The following CNTN3 variants were observed in gnomAD, a reference collection of about 807,000 sequenced individuals.
The protein encoded by CNTN3 is contactin 3.
CNTN3 carries 60 observed loss-of-function variants against 119.1 expected under a neutral mutation model. The observed-to-expected ratio is 0.50, with a 90% CI of 0.41 to 0.62. The LOEUF is 0.62. CNTN3 is among the 20% of genes least tolerant of loss of function. The probability of loss-of-function intolerance (pLI) is 0.00; values close to 1 mark genes in which losing one functional copy is unlikely to be tolerated. For missense variants in CNTN3, 1,101 were observed against 1,242.4 expected, an observed-to-expected ratio of 0.89 and a Z score of 1.71; for synonymous variants, 450 against 438.7, an observed-to-expected ratio of 1.03 and a Z score of -0.32.
intron 11 of CNTN3, among the ~76,000 whole-genome samples, chr3:74,343,492 T>C (rs1048023426): frequency 8.5e-5 from 13 of 152,226 alleles, no homozygotes; most frequent in African/African-American, 3.1e-4. Context: ...TCCACACTAA[T>C]GTCAAAGTGC....
At chr3:74,446,997 TG>T (rs911739570) in intron 4 of CNTN3, among the ~76,000 whole-genome samples, 69 of 152,338 alleles carry the variant, frequency 4.5e-4, no homozygotes, top group African/African-American at 1.6e-3. Context: ...CGTTTTTCTT[TG>T]TTTCATTTAC....
At chr3:74,288,706 A>C (rs1294579701) in intron 19 of CNTN3, among the ~76,000 whole-genome samples, 2 of 152,150 alleles carry the variant, frequency 1.3e-5, no homozygotes, top group Admixed American at 1.3e-4. Context: ...GGTTCTTTCA[A>C]AACAGAGAAG....
intron 13 of CNTN3, among the ~76,000 whole-genome samples, chr3:74,328,957 T>C (rs1264925630): frequency 6.6e-6 from 1 of 152,188 alleles, no homozygotes; most frequent in African/African-American, 2.4e-5. Flanking sequence ...AAATGTATAA[T>C]ATAGTCCAAC....
chr3:74,415,001 CAT>C (rs1211491348), intron 5 of CNTN3, among the ~76,000 whole-genome samples: 1 of 146,936 alleles, frequency 6.8e-6, no homozygotes, highest in African/African-American at 2.5e-5. Context: ...AAGCAGAAAA[CAT>C]CGGTCAGGAC....
intron 5 of CNTN3, among the ~76,000 whole-genome samples, chr3:74,412,018 A>T (rs1319722728): frequency 6.6e-6 from 1 of 152,202 alleles, no homozygotes. Context: ...TAAAATTTAC[A>T]TTAGAAGAAA....
rs146910340 is a variant in CNTN3 at position 74,390,067 on chromosome 3, C to A, written c.455-18668G>T. ...CCATTCAGATGCCTCCATCACCTCT[C>A]CTTCTAGTGAAATGGTACGAGGAAT... On this transcript the variant is annotated intron_variant, in intron 5 of 22. Coordinates refer to ENST00000263665, the MANE Select transcript of CNTN3 (RefSeq NM_020872.3). 9.8e-3 allele frequency among the ~76,000 whole-genome samples: 1,499 copies of A among 152,296 alleles called. 18 individuals carry two copies. Among genetic ancestry groups the A allele is most frequent in the Non-Finnish European group, 0.016 (1,090 of 68,038 alleles).
At chr3:74,589,122 A>G (rs1234488426) in intron 1 of CNTN3, among the ~76,000 whole-genome samples, 13 of 151,562 alleles carry the variant, frequency 8.6e-5, no homozygotes, top group African/African-American at 3.1e-4. Context: ...TAATTAAACT[A>G]AAGAGCTTCT....
chr3:74,579,304 G>A (rs1046130784), intron 1 of CNTN3, among the ~76,000 whole-genome samples: 2 of 150,714 alleles, frequency 1.3e-5, no homozygotes, highest in Admixed American at 1.3e-4. Context: ...CACAATAATA[G>A]TTGAAGACTT....
intron 1 of CNTN3, among the ~76,000 whole-genome samples, chr3:74,565,461 C>T (rs75024764): frequency 0.037 from 5,634 of 152,230 alleles, 140 homozygotes; most frequent in South Asian, 0.068. Flanking sequence ...ATGGGTAATC[C>T]ATGACACTCT....
intron 2 of CNTN3, among the ~76,000 whole-genome samples, chr3:74,519,568 T>G (rs1703507640): frequency 6.6e-6 from 1 of 151,756 alleles, no homozygotes; most frequent in Admixed American, 6.6e-5. Flanking sequence ...TTTGGAAAAT[T>G]TCAACATTGC....
rs180899180 is a variant in CNTN3, at chr3:74,447,437, T to C, written c.359-22497A>G. Among the ~76,000 whole-genome samples the C allele has an allele frequency of 4.6e-5, 7 of 152,300 alleles. No individual in the cohort carries two copies. In the East Asian group the frequency reaches 1.4e-3, roughly 29 times the overall value. Reference sequence around the variant, plus strand: ...ATCCATATGGGTCCCCTGGGACATATGGCAGAGTGGAAGGTGGATCTGGAA... The same window carrying C: ...ATCCATATGGGTCCCCTGGGACATACGGCAGAGTGGAAGGTGGATCTGGAA... On this transcript the variant is annotated intron_variant, in intron 4 of 22. Coordinates refer to ENST00000263665, the MANE Select transcript of CNTN3 (RefSeq NM_020872.3).
chr3:74,271,586 A>T (rs1264303462), intron 20 of CNTN3, among the ~76,000 whole-genome samples: 1 of 152,216 alleles, frequency 6.6e-6, no homozygotes, highest in Non-Finnish European at 1.5e-5. Context: ...GTTTGCTGTG[A>T]TTAATTATAC....
At chr3:74,355,631 T>C (rs546399244) in intron 11 of CNTN3, among the ~76,000 whole-genome samples, 2 of 151,930 alleles carry the variant, frequency 1.3e-5, no homozygotes, top group South Asian at 4.1e-4. Flanking sequence ...ATTTTTGTAT[T>C]TTTAGTAGAG....
chr3:74,349,297 T>C (rs1703762704), intron 11 of CNTN3, among the ~76,000 whole-genome samples: 1 of 152,134 alleles, frequency 6.6e-6, no homozygotes, highest in Non-Finnish European at 1.5e-5. Context: ...TAATACACTG[T>C]GTTAAATGAT....
intron 4 of CNTN3, among the ~76,000 whole-genome samples, chr3:74,485,214 T>C (rs1702830873): frequency 6.6e-6 from 1 of 151,900 alleles, no homozygotes; most frequent in South Asian, 2.1e-4. Context: ...CTGCAAAATA[T>C]AGCTCAAGAG....
In CNTN3 at chr3:74,364,575, C is replaced by G. The variant is rs1704146858; in HGVS notation, c.1105G>C (p.Gly369Arg). The change falls in exon 10 of 23, where the codon GGT becomes CGT. Residue 369 changes from glycine (G) to arginine (R), a missense_variant. By Grantham distance (125) the Gly-to-Arg change is moderately radical. Transcript: ENST00000263665. ...CTTAGGTTTGATATTGTAAGGGCAC[C>G]ATTTTCTATCTGTGTTCTCTCCTAG... The part of the protein sequence containing the change: ...VLEERTQIEN[G>R]ALTISNLSVT... 1 of 1,607,708 alleles carries G rather than the reference C, an allele frequency of 6.2e-7. No individual in the cohort carries two copies. Among genetic ancestry groups the G allele is most frequent in the South Asian group, 1.1e-5 (1 of 90,898 alleles).
At chr3:74,526,434 G>C (rs541606932) in intron 1 of CNTN3, among the ~76,000 whole-genome samples, 2 of 151,738 alleles carry the variant, frequency 1.3e-5, no homozygotes, top group Non-Finnish European at 2.9e-5. Flanking sequence ...CAGAAATCAT[G>C]CATCACATAA....
chr3:74,606,949 T>C (rs1174066969), intron 1 of CNTN3, among the ~76,000 whole-genome samples: 1 of 152,130 alleles, frequency 6.6e-6, no homozygotes. Flanking sequence ...TATCTCCATA[T>C]TACATATGAA....
intron 5 of CNTN3, among the ~76,000 whole-genome samples, chr3:74,394,835 TTC>T (rs1705005016): frequency 1.3e-5 from 2 of 152,152 alleles, no homozygotes; most frequent in Non-Finnish European, 2.9e-5. Flanking sequence ...ATTTTAATTA[TTC>T]TTTGTTATTA....
Sources: allele counts gnomAD v4.1 joint callset (sites outside exome capture counted in the v4.1 genomes callset), GRCh38; gene constraint gnomAD v4.1.1; transcripts MANE v1.5; gene names NCBI Gene and HGNC (gene_info 2026-07-23, HGNC 2026-07-21).